The following RANBP2 variants were observed in gnomAD, a reference collection of about 807,000 sequenced individuals.
The protein encoded by RANBP2 is RAN binding protein 2, also known as E3 SUMO-protein ligase RanBP2.
A neutral mutation model predicts 303.6 loss-of-function variants in RANBP2; 57 were observed. The observed-to-expected ratio is 0.19, with a 90% CI of 0.15 to 0.23. The LOEUF (loss-of-function observed/expected upper bound fraction) is 0.23, where lower values mean the gene tolerates loss of function less well. Among genes scored for constraint, RANBP2 ranks in the 10% least tolerant of loss-of-function variants. The pLI is 1.00. For missense variants in RANBP2, 3,138 were observed against 3,780.8 expected (o/e 0.83, Z 4.46); for synonymous variants, 1,167 against 1,301.5 (o/e 0.90, Z 2.23).
chr2:109,174,958 G>A, the RANBP2 span, among the ~76,000 whole-genome samples: 67 of 152,296 alleles, frequency 4.4e-4, no homozygotes, highest in African/African-American at 1.5e-3. Flanking sequence ...CTTAAATAGG[G>A]TATATTTAAA....
chr2:108,929,018 G>T, the RANBP2 span, among the ~76,000 whole-genome samples: 1 of 152,334 alleles, frequency 6.6e-6, no homozygotes, highest in Admixed American at 6.5e-5. Context: ...CCTGTCCACC[G>T]GAGGGGCCAG....
chr2:109,374,458 A>C, the RANBP2 span, among the ~76,000 whole-genome samples: 8 of 152,170 alleles, frequency 5.3e-5, no homozygotes, highest in Non-Finnish European at 1.0e-4. Flanking sequence ...GTGGATCGGA[A>C]AGTCCTGGTT....
chr2:109,309,377 G>A, the RANBP2 span, among the ~76,000 whole-genome samples: 2 of 147,822 alleles, frequency 1.4e-5, no homozygotes, highest in East Asian at 2.0e-4. Context: ...GGAACAACCG[G>A]TACCAGCTGC....
At chr2:108,814,648 AT>A in the RANBP2 span, among the ~76,000 whole-genome samples, 1 of 147,900 alleles carries the variant, frequency 6.8e-6, no homozygotes, top group African/African-American at 2.5e-5. Context: ...TTGTTTTTTT[AT>A]TTTTTAATTT....
chr2:109,686,610 G>A, the RANBP2 span, among the ~76,000 whole-genome samples: 6 of 152,162 alleles, frequency 3.9e-5, no homozygotes, highest in Non-Finnish European at 8.8e-5. Flanking sequence ...ACAGCGTCCG[G>A]CTTCTTACTA....
the RANBP2 span, among the ~76,000 whole-genome samples, chr2:108,822,321 C>G: frequency 1.3e-5 from 2 of 152,060 alleles, no homozygotes; most frequent in South Asian, 4.2e-4. Context: ...CAAACATTGA[C>G]AGAATTGAAG....
chr2:109,016,289 C>T, the RANBP2 span, among the ~76,000 whole-genome samples: 6 of 152,054 alleles, frequency 3.9e-5, no homozygotes, highest in South Asian at 8.3e-4. Context: ...AGGGTTTCAC[C>T]GTGTTCACCA....
chr2:109,316,994 A>G, the RANBP2 span, among the ~76,000 whole-genome samples: 1 of 151,496 alleles, frequency 6.6e-6, no homozygotes, highest in South Asian at 2.1e-4. Context: ...ATTTCTTTTT[A>G]TCACTGAATA....
chr2:109,483,491 C>T, the RANBP2 span, among the ~76,000 whole-genome samples: 1 of 152,206 alleles, frequency 6.6e-6, no homozygotes, highest in East Asian at 1.9e-4. Context: ...GCACCTTCCG[C>T]CTGTTTTCCT....
chr2:109,330,711 G>A, the RANBP2 span, among the ~76,000 whole-genome samples: 1 of 152,040 alleles, frequency 6.6e-6, no homozygotes, highest in Non-Finnish European at 1.5e-5. Flanking sequence ...CATGACGGAT[G>A]GATGAATAAA....
chr2:109,685,472 C>T, the RANBP2 span, among the ~76,000 whole-genome samples: 3 of 152,202 alleles, frequency 2.0e-5, no homozygotes, highest in Non-Finnish European at 4.4e-5. Flanking sequence ...TTCTCACACC[C>T]TCAGAAACCT....
chr2:109,273,384 A>G, the RANBP2 span, among the ~76,000 whole-genome samples: 1 of 152,150 alleles, frequency 6.6e-6, no homozygotes, highest in South Asian at 2.1e-4. Context: ...CGCATGGATG[A>G]GGGGGGAGGC....
At chr2:108,740,046 A>G (rs1695950896) in intron 6 of RANBP2, among the ~76,000 whole-genome samples, 1 of 152,238 alleles carries the variant, frequency 6.6e-6, no homozygotes. Flanking sequence ...TAAAAAGAGC[A>G]ATTACTGTAT....
At chr2:109,623,728 T>TG in the RANBP2 span, among the ~76,000 whole-genome samples, 1 of 152,344 alleles carries the variant, frequency 6.6e-6, no homozygotes, top group South Asian at 2.1e-4. Context: ...GGAAAGAGAA[T>TG]GCTTTGGTCC....
At chr2:109,221,325 G>A in the RANBP2 span, among the ~76,000 whole-genome samples, 1 of 152,110 alleles carries the variant, frequency 6.6e-6, no homozygotes, top group African/African-American at 2.4e-5. Flanking sequence ...ACTCACGGCT[G>A]TAATCCCAGC....
chr2:109,490,547 C>T, the RANBP2 span: 1 of 1,313,528 alleles, frequency 7.6e-7, no homozygotes, highest in Non-Finnish European at 9.9e-7. Context: ...CTCTCTCTGA[C>T]AGCAAGGGCA....
chr2:108,762,413 G>A lies in RANBP2; in HGVS notation c.2697+218G>A, dbSNP rs1573803243. ...TATTTAGAATATTTTAAAAATGGGA[G>A]TGGTGGTGGTGGATCCTTCATCGTT... On this transcript the variant is annotated intron_variant, in intron 19 of 28. Coordinates refer to ENST00000283195, the MANE Select transcript of RANBP2 (RefSeq NM_006267.5). Among the ~76,000 whole-genome samples, 5 of 71,440 alleles carry A rather than the reference G, an allele frequency of 7.0e-5. No homozygotes were observed. In the South Asian group the frequency reaches 2.7e-3, roughly 39 times the overall value. The allele number at this position is 71,440 out of a possible 152,430, so 46.9% of individuals were successfully genotyped here.
the RANBP2 span, among the ~76,000 whole-genome samples, chr2:109,705,199 G>A: frequency 6.6e-6 from 1 of 152,056 alleles, no homozygotes; most frequent in African/African-American, 2.4e-5. Context: ...GAGTTCGGGA[G>A]TTCTAGACCA....
the RANBP2 span, among the ~76,000 whole-genome samples, chr2:108,810,201 G>C: frequency 1.3e-5 from 2 of 152,202 alleles, no homozygotes; most frequent in Non-Finnish European, 2.9e-5. Flanking sequence ...TGGTGAGAAT[G>C]AGCATCCTTG....
Sources: allele counts gnomAD v4.1 joint callset (sites outside exome capture counted in the v4.1 genomes callset), GRCh38; gene constraint gnomAD v4.1.1; transcripts MANE v1.5; gene names NCBI Gene and HGNC (gene_info 2026-07-23, HGNC 2026-07-21).